RANBP2: variants seen among roughly 807,000 people sequenced by gnomAD.
RANBP2 encodes the protein RAN binding protein 2, also known as E3 SUMO-protein ligase RanBP2.
Under a neutral mutation model 303.6 loss-of-function variants are expected in RANBP2, and 57 were observed. The ratio of observed to expected loss-of-function variants is 0.19; its 90% CI spans 0.15 to 0.23. The LOEUF is 0.23. Among genes scored for constraint, RANBP2 ranks in the 10% least tolerant of loss-of-function variants. The probability of loss-of-function intolerance (pLI) is 1.00; values close to 1 mark genes in which losing one functional copy is unlikely to be tolerated. For missense variants in RANBP2, 3,138 were observed against 3,780.8 expected (o/e 0.83, Z 4.46); for synonymous variants, 1,167 against 1,301.5 (o/e 0.90, Z 2.23).
rs180726535 is a variant in RANBP2 at position 108,746,898 on chromosome 2, T to C, written c.1063+100T>C. The C allele has an allele frequency of 5.4e-4, 385 of 711,644 alleles. 4 individuals are homozygous for C. In the African/African-American group the frequency reaches 6.3e-3, roughly 12 times the overall value. 44.1% of individuals were successfully genotyped at this position (711,644 alleles called of 1,614,324 possible). A position where few individuals can be genotyped will look rare whatever the true frequency, so the allele number is the denominator to read the frequency against. ...CTTCATCTGTCCAGGAGATAATTTG[T>C]CAAAATTATTTCTTTTTGCCGTATC... On this transcript the variant is annotated intron_variant, in intron 8 of 28. Transcript: ENST00000283195.
chr2:109,018,665 CT>C, the RANBP2 span, among the ~76,000 whole-genome samples: 3 of 152,230 alleles, frequency 2.0e-5, no homozygotes, highest in Admixed American at 6.5e-5. Flanking sequence ...TTAGCACGTC[CT>C]TTCCCTGTGT....
the RANBP2 span, among the ~76,000 whole-genome samples, chr2:109,611,799 T>C: frequency 6.6e-6 from 1 of 152,114 alleles, no homozygotes; most frequent in Non-Finnish European, 1.5e-5. Context: ...TATATACCTA[T>C]AAGAATGGCT....
At chr2:109,614,984 G>T in the RANBP2 span, 1 of 1,540,438 alleles carries the variant, frequency 6.5e-7, no homozygotes, top group East Asian at 2.5e-5. Flanking sequence ...AGCCCCTACC[G>T]CGGACTCCAG....
the RANBP2 span, among the ~76,000 whole-genome samples, chr2:108,918,490 A>T: frequency 6.6e-6 from 1 of 152,198 alleles, no homozygotes; most frequent in African/African-American, 2.4e-5. Context: ...TGAGTTTCGA[A>T]TAAGCAAGGC....
At chr2:109,349,430 C>T in the RANBP2 span, among the ~76,000 whole-genome samples, 5 of 152,138 alleles carry the variant, frequency 3.3e-5, no homozygotes, top group African/African-American at 9.7e-5. Context: ...AGTCGGAGGG[C>T]GAGAGCAACA....
chr2:109,342,370 A>AT, the RANBP2 span, among the ~76,000 whole-genome samples: 1 of 152,212 alleles, frequency 6.6e-6, no homozygotes, highest in African/African-American at 2.4e-5. Flanking sequence ...CGTTCAGTAG[A>AT]TATATGGAGC....
chr2:109,030,643 T>C, the RANBP2 span, among the ~76,000 whole-genome samples: 2 of 152,230 alleles, frequency 1.3e-5, no homozygotes, highest in South Asian at 4.1e-4. Context: ...TGTACTTTCC[T>C]GAGTACCTAG....
chr2:109,183,686 C>T, the RANBP2 span, among the ~76,000 whole-genome samples: 2 of 152,210 alleles, frequency 1.3e-5, no homozygotes, highest in Non-Finnish European at 1.5e-5. Context: ...TCCCTGAAAA[C>T]AAAAACAAAA....
chr2:108,906,480 C>T, the RANBP2 span: 2 of 1,074,514 alleles, frequency 1.9e-6, no homozygotes, highest in Non-Finnish European at 2.8e-6. Context: ...ACCAGAGACG[C>T]TGCACACAGC....
At chr2:109,617,876 G>T in the RANBP2 span, 1 of 159,754 alleles carries the variant, frequency 6.3e-6, no homozygotes, top group Non-Finnish European at 1.5e-5. Flanking sequence ...AAAATTAGCC[G>T]AGCGTGGTGG....
the RANBP2 span, chr2:109,615,611 T>C: frequency 6.2e-7 from 1 of 1,613,422 alleles, no homozygotes; most frequent in Non-Finnish European, 8.5e-7. Flanking sequence ...GGGACTACAG[T>C]GGGAAAAAGG....
the RANBP2 span, among the ~76,000 whole-genome samples, chr2:108,857,916 A>G: frequency 6.6e-6 from 1 of 152,250 alleles, no homozygotes; most frequent in Non-Finnish European, 1.5e-5. Context: ...TCAAAGGAAA[A>G]CAAAATATAA....
At chr2:108,769,015 GTGAC>G (rs1558929403) in intron 20 of RANBP2, among the ~76,000 whole-genome samples, 2 of 150,746 alleles carry the variant, frequency 1.3e-5, no homozygotes, top group African/African-American at 2.4e-5. Context: ...GCCTGACTGA[GTGAC>G]TGAGACTTTG....
chr2:108,795,054 C>T, the RANBP2 span, among the ~76,000 whole-genome samples: 4 of 80,616 alleles, frequency 5.0e-5, no homozygotes, highest in African/African-American at 8.3e-5. Context: ...GTTTTAAGTA[C>T]TTATATATAA....
chr2:109,426,978 A>AT, the RANBP2 span, among the ~76,000 whole-genome samples: 609 of 148,722 alleles, frequency 4.1e-3, 6 homozygotes, highest in African/African-American at 0.014. Flanking sequence ...ATATATATAT[A>AT]TTTTTTTTTG....
the RANBP2 span, among the ~76,000 whole-genome samples, chr2:109,348,211 A>G: frequency 6.6e-6 from 1 of 152,186 alleles, no homozygotes; most frequent in Non-Finnish European, 1.5e-5. Context: ...TTGAGATAAT[A>G]TAAGCCTCCA....
chr2:109,629,516 A>C, the RANBP2 span, among the ~76,000 whole-genome samples: 1 of 151,784 alleles, frequency 6.6e-6, no homozygotes, highest in Admixed American at 6.6e-5. Context: ...AGTAAGTACG[A>C]AAATGTGTGT....
chr2:108,978,217 ACTC>A, the RANBP2 span, among the ~76,000 whole-genome samples: 2 of 152,092 alleles, frequency 1.3e-5, no homozygotes, highest in African/African-American at 2.4e-5. Context: ...TCTTTTAGGA[ACTC>A]ATCATTGGTC....
chr2:109,071,630 C>T, the RANBP2 span, among the ~76,000 whole-genome samples: 1 of 151,720 alleles, frequency 6.6e-6, no homozygotes, highest in African/African-American at 2.4e-5. Context: ...GCCAAGATCA[C>T]ACCACTGCAC....
Sources: gnomAD v4.1 joint callset for allele counts (sites outside exome capture counted in the v4.1 genomes callset) on GRCh38, gnomAD v4.1.1 for gene constraint, MANE v1.5 for transcripts, NCBI Gene and HGNC (gene_info 2026-07-23, HGNC 2026-07-21) for gene names.